Variants in FLOT1 observed in about 807,000 individuals in gnomAD.
FLOT1 encodes the protein flotillin 1.
A neutral mutation model predicts 58.4 loss-of-function variants in FLOT1; 40 were observed. That is an observed-to-expected ratio of 0.69 (90% CI 0.53 to 0.89). The LOEUF (loss-of-function observed/expected upper bound fraction) is 0.89, where lower values mean the gene tolerates loss of function less well. Ranked by LOEUF, FLOT1 falls within the 40% of genes least tolerant of loss-of-function variation. The pLI is 0.00. For missense variants in FLOT1, 423 were observed against 540.8 expected (o/e 0.78, Z 2.16); for synonymous variants, 178 against 204.2 (o/e 0.87, Z 1.09).
intron 8 of FLOT1, among the ~76,000 whole-genome samples, chr6:30,738,854 T>C (rs41315800): frequency 0.053 from 8,029 of 152,104 alleles, 262 homozygotes; most frequent in Middle Eastern, 0.11. Flanking sequence ...GCAGTAAATA[T>C]ACTGTGAAAA....
Position 30,730,930 on chromosome 6 carries a change from G to A in FLOT1, c.894C>T (p.Ala298=), listed in dbSNP as rs1562176201. Residue 298 remains alanine, a synonymous_variant, in exon 9 of 13, where the codon GCC becomes GCT. Transcript: ENST00000376389. ...EAERYKLERL[A]EAEKSQLIMQ... is the part of the protein sequence containing the mutation. ...GAGGGGACATTTACTTCTCTGCCTC[G>A]GCTAGGCGCTCCAGCTTGTAGCGCT... is the stretch of plus-strand genomic sequence containing the variant. 1 of 1,612,804 alleles carries A rather than the reference G, an allele frequency of 6.2e-7. No homozygotes were observed.
At position 30,740,764 on chromosome 6, in the gene FLOT1, T is replaced by C; in HGVS notation, c.389A>G (p.Gln130Arg). The change falls in exon 6 of 13, where the codon CAG becomes CGG. Residue 130 changes from glutamine to arginine, a missense_variant. Physicochemically the swap from Gln to Arg is conservative, Grantham distance 43 (BLOSUM62 1). This residue lies in a region of FLOT1 where 137 missense variants were observed against 194.6 expected (regional missense o/e 0.70). Coordinates refer to ENST00000376389, the MANE Select transcript of FLOT1 (RefSeq NM_005803.4). ...IYKDRQKFSE[Q>R]VFKVASSDLV... ...GTCTGAGGAGGCCACTTTGAAAACC[T>C]GTTCTGAGAATTTCTGCCTGTCCTT... The C allele has an allele frequency of 6.2e-7, 1 of 1,612,808 alleles. No homozygotes were observed. Among genetic ancestry groups the C allele is most frequent in the Non-Finnish European group, 8.5e-7 (1 of 1,179,996 alleles).
At position 30,731,066 on chromosome 6, in the gene FLOT1, C is replaced by A. The variant is rs201735257; in HGVS notation, c.758G>T (p.Arg253Leu). ...AKTKQQIEEQ[R>L]VQVQVVERAQ... ...CCGCTCCACCACCTGCACCTGCACC[C>A]GCTGCTCCTCAATCTGCTGCTTAGT... is the stretch of plus-strand genomic sequence containing the variant. Residue 253 changes from arginine (R) to leucine (L), a missense_variant, in exon 9 of 13, where the codon CGG becomes CTG. Arg to Leu is a moderately radical substitution (Grantham distance 102). This residue lies in a region of FLOT1 where 137 missense variants were observed against 194.6 expected (regional missense o/e 0.70). Transcript: ENST00000376389. The A allele has an allele frequency of 6.2e-7, 1 of 1,609,926 alleles. No homozygotes were observed. Among genetic ancestry groups the A allele is most frequent in the Admixed American group, 1.7e-5 (1 of 59,994 alleles).
intron 8 of FLOT1, among the ~76,000 whole-genome samples, chr6:30,735,729 G>A (rs1233052511): frequency 6.6e-6 from 1 of 152,148 alleles, no homozygotes; most frequent in Non-Finnish European, 1.5e-5. Flanking sequence ...AGGCAGTGAG[G>A]GGCTCTGAGA....
intron 5 of FLOT1, 108 bp from the exon 6 acceptor site, chr6:30,740,906 C>T: frequency 2.8e-6 from 4 of 1,452,430 alleles, no homozygotes; most frequent in Non-Finnish European, 3.6e-6. Flanking sequence ...CCTGCCTCAG[C>T]CTCCCAAGTA....
rs1218352737 is a variant in FLOT1 at position 30,737,287 on chromosome 6, G to A, written c.723+2871C>T. Among the ~76,000 whole-genome samples the A allele has an allele frequency of 6.9e-6, 1 of 144,190 alleles. No homozygotes were observed. Among genetic ancestry groups the A allele is most frequent in the African/African-American group, 2.7e-5 (1 of 36,484 alleles). 94.6% of individuals were successfully genotyped at this position (144,190 alleles called of 152,430 possible). A position where few individuals can be genotyped will look rare whatever the true frequency, so the allele number is the denominator to read the frequency against. ...ATCCATCCATATATCTATCTTAGAA[G>A]GAGTCTCGCTCTGTCGCCCAGGCTG... On this transcript the variant is annotated intron_variant, in intron 8 of 12. Coordinates refer to ENST00000376389, the MANE Select transcript of FLOT1 (RefSeq NM_005803.4). The surrounding 1 kb of genome is among the most constrained non-coding windows in gnomAD (Gnocchi z 4.4).
intron 8 of FLOT1, among the ~76,000 whole-genome samples, chr6:30,735,830 C>A (rs1035970876): frequency 2.0e-5 from 3 of 152,166 alleles, no homozygotes; most frequent in African/African-American, 2.4e-5. Context: ...CAGATCATTT[C>A]ATTGTTTTCC....
At chr6:30,735,465 A>G (rs1464279193) in intron 8 of FLOT1, among the ~76,000 whole-genome samples, 3 of 149,484 alleles carry the variant, frequency 2.0e-5, no homozygotes, top group Non-Finnish European at 4.4e-5. Flanking sequence ...AAAAAAAAAA[A>G]TACAAAAATT....
chr6:30,728,059 G>A lies in FLOT1; in HGVS notation c.*57C>T, dbSNP rs116866578. The A allele has an allele frequency of 4.0e-5, 62 of 1,541,766 alleles. No individual in the cohort carries two copies. The Admixed American group carries it at 9.8e-4, about 24-fold the overall frequency. On this transcript the variant is annotated 3_prime_UTR_variant, in exon 13 of 13. Coordinates refer to ENST00000376389, the MANE Select transcript of FLOT1 (RefSeq NM_005803.4). Reference sequence around the variant, plus strand: ...GGAGGCCAGTGGGTTACATGCAACAGGAGGATCATTCAGGCAACTTCAGCT... The same window carrying A: ...GGAGGCCAGTGGGTTACATGCAACAAGAGGATCATTCAGGCAACTTCAGCT...
chr6:30,735,484 G>A (rs536166180), intron 8 of FLOT1, among the ~76,000 whole-genome samples: 55 of 151,622 alleles, frequency 3.6e-4, no homozygotes, highest in Non-Finnish European at 6.6e-4. Flanking sequence ...TTACCTGGGC[G>A]TGGTGGTGGG....
chr6:30,728,462 C>A, intron 12 of FLOT1, among the ~76,000 whole-genome samples: 1 of 149,964 alleles, frequency 6.7e-6, no homozygotes, highest in East Asian at 1.9e-4. Context: ...TATTTACATA[C>A]GCTTTTTTTT....
chr6:30,730,886 T>C, intron 9 of FLOT1, 33 bp downstream of exon 9: 1 of 1,602,666 alleles, frequency 6.2e-7, no homozygotes, highest in East Asian at 2.2e-5. Flanking sequence ...AGGTGGCAAG[T>C]GAGCTAGGCA....
In FLOT1 at chr6:30,742,054, G is replaced by A. The variant is rs2127784098; in HGVS notation, c.43+93C>T. The A allele has an allele frequency of 4.4e-6, 6 of 1,376,272 alleles. No homozygotes were observed. In the South Asian group the frequency reaches 7.0e-5, roughly 16 times the overall value. 85.3% of individuals were successfully genotyped at this position (1,376,272 alleles called of 1,614,324 possible). Reference sequence around the variant, plus strand: ...GGCCATCAAGGGGCAGAAGTCTGGTGCTGGGAAGTTGGTAGGGAGAGGGAG... The same window carrying A: ...GGCCATCAAGGGGCAGAAGTCTGGTACTGGGAAGTTGGTAGGGAGAGGGAG... On this transcript the variant is annotated intron_variant, in intron 2 of 12. Coordinates refer to ENST00000376389, the MANE Select transcript of FLOT1 (RefSeq NM_005803.4). The surrounding 1 kb of genome is among the most constrained non-coding windows in gnomAD (Gnocchi z 5.2).
chr6:30,735,617 C>T lies in FLOT1; in HGVS notation c.724-4517G>A, dbSNP rs2276533. The stretch of plus-strand genomic sequence containing the variant: ...TGCACCTGCACTCCAGCCTGGACAA[C>T]AGAGTGAGAGACCCTGTCTCAAAAA... On this transcript the variant is annotated intron_variant, in intron 8 of 12. Coordinates refer to ENST00000376389, the MANE Select transcript of FLOT1 (RefSeq NM_005803.4). Among the ~76,000 whole-genome samples the T allele has an allele frequency of 7.9e-5, 12 of 152,040 alleles. No homozygotes were observed. In the East Asian group the frequency reaches 2.1e-3, roughly 27 times the overall value.
intron 5 of FLOT1, 36 bp from the exon 6 acceptor site, chr6:30,740,834 GTT>G (rs34375360): frequency 0.038 from 48,187 of 1,256,700 alleles, no homozygotes; most frequent in Middle Eastern, 0.051. Context: ...AGGGATGTAA[GTT>G]TTTTTTTTTT....
Position 30,737,859 on chromosome 6 carries a change from C to G in FLOT1, c.723+2299G>C, listed in dbSNP as rs1777704402. Among the ~76,000 whole-genome samples, 2 of 152,110 alleles carry G rather than the reference C, an allele frequency of 1.3e-5. No individual in the cohort carries two copies. The highest frequency in any genetic ancestry group is 4.1e-4 in the South Asian group (2 of 4,832). On this transcript the variant is annotated intron_variant, in intron 8 of 12. Transcript: ENST00000376389. This position sits in a 1 kb window ranked among gnomAD's most constrained non-coding sequence, Gnocchi z 4.4. ...GGCAGGAATCTTTTCTGCCTCACCT[C>G]CATATTTATAGCCTCACCTCCAAAA...
chr6:30,742,465 A>C lies in FLOT1; in HGVS notation c.-15+62T>G. 2 of 529,652 alleles carry C rather than the reference A, an allele frequency of 3.8e-6. No individual in the cohort carries two copies. The highest frequency in any genetic ancestry group is 6.7e-6 in the Non-Finnish European group (2 of 297,766). The allele number at this position is 529,652 out of a possible 1,614,324, so 32.8% of individuals were successfully genotyped here. ...GTCCCCCGCGCCCAGAGGCCTGCAG[A>C]CCTTTCCCCTCTCTCCCTGCTTCTC... On this transcript the variant is annotated intron_variant, in intron 1 of 12. Coordinates refer to ENST00000376389, the MANE Select transcript of FLOT1 (RefSeq NM_005803.4). The surrounding 1 kb of genome is among the most constrained non-coding windows in gnomAD (Gnocchi z 5.2).
At position 30,741,054 on chromosome 6, in the gene FLOT1, TG is replaced by T; in HGVS notation, c.354+135del. ...TGCCCACCTTGGCATCCCAAAGTGC[TG>T]GGATTACAGGCATGAACCACCCTGC... On this transcript the variant is annotated intron_variant, in intron 5 of 12. Coordinates refer to ENST00000376389, the MANE Select transcript of FLOT1 (RefSeq NM_005803.4). This position sits in a 1 kb window ranked among gnomAD's most constrained non-coding sequence, Gnocchi z 5.9. 2.6e-6 allele frequency: 3 copies of T among 1,168,802 alleles called. No individual in the cohort carries two copies. Among genetic ancestry groups the T allele is most frequent in the Non-Finnish European group, 3.6e-6 (3 of 837,706 alleles). The allele number at this position is 1,168,802 out of a possible 1,614,324, so 72.4% of individuals were successfully genotyped here.
intron 8 of FLOT1, among the ~76,000 whole-genome samples, chr6:30,731,651 CAT>C (rs1158470614): frequency 6.6e-6 from 1 of 152,208 alleles, no homozygotes. Flanking sequence ...GCACTGAGCA[CAT>C]GTTGGCTTTC....
Sources: allele counts gnomAD v4.1 joint callset (sites outside exome capture counted in the v4.1 genomes callset), GRCh38; gene constraint gnomAD v4.1.1; regional missense constraint gnomAD v4.1.1; non-coding constraint Gnocchi (gnomAD v3.1); transcripts MANE v1.5; gene names NCBI Gene and HGNC (gene_info 2026-07-23, HGNC 2026-07-21).